HS1BP3: variants seen among roughly 807,000 people sequenced by gnomAD.
HS1BP3 encodes HCLS1-binding protein 3.
Under a neutral mutation model 33.5 loss-of-function variants are expected in HS1BP3, and 32 were observed. The observed-to-expected ratio is 0.95, with a 90% CI of 0.72 to 1.28. The LOEUF (loss-of-function observed/expected upper bound fraction) is 1.28, where lower values mean the gene tolerates loss of function less well. Among genes scored for constraint, HS1BP3 ranks in the 50% most tolerant of loss-of-function variants. The pLI is 0.00. For missense variants in HS1BP3, 486 were observed against 502.3 expected (o/e 0.97, Z 0.31); for synonymous variants, 187 against 209.2 (o/e 0.89, Z 0.92).
At position 20,624,027 on chromosome 2, in the gene HS1BP3, C is replaced by T. The variant is rs1397377968; in HGVS notation, c.789G>A (p.Leu263=). The change falls in exon 6 of 7, where the codon CTG becomes CTA. Residue 263 remains leucine, a synonymous_variant. Transcript: ENST00000304031. The part of the protein sequence containing the change: ...PSEDVSSVDP[L]KLFDDPDLGG... The stretch of plus-strand genomic sequence containing the variant: ...CGAGGTCAGGATCATCAAATAGCTT[C>T]AGGGCTGTGGGAAGGCAGCAGCAGG... 2 of 1,611,634 alleles carry T rather than the reference C, an allele frequency of 1.2e-6. No homozygotes were observed. The highest frequency in any genetic ancestry group is 2.2e-5 in the East Asian group (1 of 44,866).
At chr2:20,645,867 G>A (rs1377617214) in intron 1 of HS1BP3, among the ~76,000 whole-genome samples, 2 of 152,256 alleles carry the variant, frequency 1.3e-5, no homozygotes, top group African/African-American at 2.4e-5. Flanking sequence ...CATGCCTGGG[G>A]CTGCAGGGAC....
intron 2 of HS1BP3, among the ~76,000 whole-genome samples, chr2:20,644,594 C>T (rs1233623242): frequency 6.6e-6 from 1 of 152,136 alleles, no homozygotes. Context: ...TGCATGTTAC[C>T]CAGTAAACAT....
chr2:20,600,717 T>C (rs1385553620), intron 2 of HS1BP3, among the ~76,000 whole-genome samples: 1 of 152,232 alleles, frequency 6.6e-6, no homozygotes, highest in East Asian at 1.9e-4. Flanking sequence ...TCCATATGTA[T>C]AGACAGTGAA....
intron 4 of HS1BP3, among the ~76,000 whole-genome samples, chr2:20,632,337 C>T (rs890902744): frequency 9.2e-5 from 14 of 152,234 alleles, no homozygotes; most frequent in Non-Finnish European, 1.3e-4. Flanking sequence ...AATGGTGACA[C>T]GACCAGCAGA....
intron 2 of HS1BP3, among the ~76,000 whole-genome samples, chr2:20,612,567 C>T (rs542123315): frequency 2.0e-5 from 3 of 152,248 alleles, no homozygotes; most frequent in African/African-American, 7.2e-5. Context: ...TCATACAATA[C>T]GTGGTCTTTT....
chr2:20,557,198 G>A (rs1412750337), downstream of HS1BP3, among the ~76,000 whole-genome samples: 2 of 152,172 alleles, frequency 1.3e-5, no homozygotes, highest in Admixed American at 6.5e-5. Flanking sequence ...ATGCTAATGC[G>A]ATTCCCTTTT....
chr2:20,593,169 C>T (rs550955212), intron 3 of HS1BP3, among the ~76,000 whole-genome samples: 1 of 152,132 alleles, frequency 6.6e-6, no homozygotes, highest in South Asian at 2.1e-4. Context: ...CACACGCTTC[C>T]TCCATCAGCA....
intron 4 of HS1BP3, among the ~76,000 whole-genome samples, chr2:20,627,962 G>A (rs989447774): frequency 1.3e-5 from 2 of 152,162 alleles, no homozygotes; most frequent in African/African-American, 4.8e-5. Context: ...CAGGGAGCAG[G>A]GTGCCAGCAC....
At chr2:20,622,164 G>C in intron 6 of HS1BP3, 2 of 1,278,390 alleles carry the variant, frequency 1.6e-6, no homozygotes, top group South Asian at 1.3e-5. Flanking sequence ...ATGAACGAAG[G>C]GGTGAAAGCA....
intron 5 of HS1BP3, among the ~76,000 whole-genome samples, chr2:20,567,549 G>T (rs1203808939): frequency 6.6e-6 from 1 of 151,936 alleles, no homozygotes; most frequent in Non-Finnish European, 1.5e-5. Context: ...AAGGGGGTCT[G>T]CGATCAGCCA....
intron 4 of HS1BP3, among the ~76,000 whole-genome samples, chr2:20,625,448 A>G (rs117426552): frequency 6.6e-6 from 1 of 152,252 alleles, no homozygotes; most frequent in African/African-American, 2.4e-5. Flanking sequence ...ACCACACTCC[A>G]CAGCCACTCA....
intron 5 of HS1BP3, among the ~76,000 whole-genome samples, chr2:20,567,442 C>G (rs1325169015): frequency 1.3e-5 from 2 of 152,284 alleles, no homozygotes; most frequent in South Asian, 4.1e-4. Flanking sequence ...GGGCCCGGCC[C>G]CAAGTATCCC....
downstream of HS1BP3, among the ~76,000 whole-genome samples, chr2:20,558,580 C>T (rs73235135): frequency 0.039 from 5,904 of 152,192 alleles, 372 homozygotes; most frequent in African/African-American, 0.14. Flanking sequence ...TCAGGCACTG[C>T]GCTGGCACGA....
chr2:20,646,088 A>C (rs1465980431), intron 1 of HS1BP3, among the ~76,000 whole-genome samples: 1 of 152,228 alleles, frequency 6.6e-6, no homozygotes, highest in Non-Finnish European at 1.5e-5. Context: ...GCATCGGCAA[A>C]ACATCACCGC....
chr2:20,636,643 C>T (rs1695140151), intron 4 of HS1BP3: 1 of 152,190 alleles, frequency 6.6e-6, no homozygotes, highest in South Asian at 2.1e-4. Context: ...CAGTACAATA[C>T]ACTTAGTAAG....
intron 5 of HS1BP3, among the ~76,000 whole-genome samples, chr2:20,567,585 C>T (rs1314643021): frequency 1.3e-5 from 2 of 152,176 alleles, no homozygotes; most frequent in African/African-American, 4.8e-5. Context: ...GCATAAAGAC[C>T]TACTTCCCCC....
chr2:20,562,760 C>G (rs1403388062), intron 5 of HS1BP3, among the ~76,000 whole-genome samples: 1 of 152,206 alleles, frequency 6.6e-6, no homozygotes, highest in African/African-American at 2.4e-5. Flanking sequence ...AAAGCGAGGA[C>G]AGACAGGCAG....
intron 4 of HS1BP3, among the ~76,000 whole-genome samples, chr2:20,628,417 G>A (rs7423811): frequency 0.33 from 50,038 of 151,660 alleles, 8,579 homozygotes; most frequent in East Asian, 0.59. Context: ...AAAAGTTTAC[G>A]GGAGGCCAGG....
At chr2:20,571,925 A>G (rs566169416) in intron 5 of HS1BP3, among the ~76,000 whole-genome samples, 1 of 152,342 alleles carries the variant, frequency 6.6e-6, no homozygotes, top group East Asian at 1.9e-4. Context: ...CACCGAGGCC[A>G]GGAATGGAGA....
Sources: allele counts gnomAD v4.1 joint callset (sites outside exome capture counted in the v4.1 genomes callset), GRCh38; gene constraint gnomAD v4.1.1; transcripts MANE v1.5; gene names NCBI Gene and HGNC (gene_info 2026-07-23, HGNC 2026-07-21).